Variants in FAM167A observed in about 807,000 individuals in gnomAD.
FAM167A encodes the protein protein FAM167A.
FAM167A carries 23 observed loss-of-function variants against 14.9 expected under a neutral mutation model. The ratio of observed to expected loss-of-function variants is 1.55; its 90% CI spans 1.11 to 2.19. The LOEUF is 2.19. Among genes scored for constraint, FAM167A ranks in the 30% most tolerant of loss-of-function variants. The pLI, the probability that FAM167A is intolerant of heterozygous loss-of-function variation, is 0.00. For missense variants in FAM167A, 401 were observed against 281.5 expected, an observed-to-expected ratio of 1.42 and a Z score of -3.04; for synonymous variants, 174 against 117.7, an observed-to-expected ratio of 1.48 and a Z score of -3.10.
intron 2 of FAM167A, among the ~76,000 whole-genome samples, chr8:11,430,662 A>G (rs190013703): frequency 1.3e-5 from 2 of 152,276 alleles, no homozygotes; most frequent in East Asian, 3.9e-4. Context: ...AACCCCCAAG[A>G]GCAGGATTAA....
intron 2 of FAM167A, among the ~76,000 whole-genome samples, chr8:11,424,971 G>C (rs1805033556): frequency 6.6e-6 from 1 of 152,140 alleles, no homozygotes; most frequent in South Asian, 2.1e-4. Context: ...GGAAAACATA[G>C]GGTAACAGCT....
At chr8:11,432,823 T>C (rs537758016) in intron 2 of FAM167A, among the ~76,000 whole-genome samples, 1 of 152,124 alleles carries the variant, frequency 6.6e-6, no homozygotes, top group Non-Finnish European at 1.5e-5. Context: ...CAAATGTCAA[T>C]CAATGATAGA....
intron 2 of FAM167A, chr8:11,443,614 G>A (rs933265752): frequency 2.2e-4 from 40 of 182,868 alleles, no homozygotes; most frequent in Admixed American, 6.4e-4. Context: ...AGAAGAGGCC[G>A]CTCACGTGCA....
At chr8:11,428,661 AGT>A (rs776556504) in intron 2 of FAM167A, among the ~76,000 whole-genome samples, 61 of 152,318 alleles carry the variant, frequency 4.0e-4, no homozygotes, top group Admixed American at 3.3e-3. Context: ...CACAATACAT[AGT>A]GTGTTGGGAT....
chr8:11,472,877 G>T (rs1808003486), intron 1 of FAM167A, among the ~76,000 whole-genome samples: 1 of 152,224 alleles, frequency 6.6e-6, no homozygotes, highest in Non-Finnish European at 1.5e-5. Context: ...ACTCTATCCT[G>T]CTGGGCAGAG....
upstream of FAM167A, among the ~76,000 whole-genome samples, chr8:11,469,925 A>T (rs1036136253): frequency 6.9e-5 from 10 of 145,588 alleles, no homozygotes; most frequent in African/African-American, 2.1e-4. Context: ...AATAAATAAA[A>T]GATTTAAACT....
intron 1 of FAM167A, among the ~76,000 whole-genome samples, chr8:11,466,120 C>G (rs901588280): frequency 1.3e-5 from 2 of 152,166 alleles, no homozygotes; most frequent in Non-Finnish European, 2.9e-5. Flanking sequence ...GCCGTTCCCT[C>G]AGGTCACACT....
chr8:11,438,746 T>C (rs952843028), intron 2 of FAM167A: 6 of 350,106 alleles, frequency 1.7e-5, no homozygotes, highest in African/African-American at 8.6e-5. Flanking sequence ...GGAATCTTCC[T>C]CCTGCAGGGC....
At chr8:11,471,410 G>A (rs1246122029), upstream of FAM167A, among the ~76,000 whole-genome samples, 2 of 152,126 alleles carry the variant, frequency 1.3e-5, no homozygotes, top group Non-Finnish European at 2.9e-5. Flanking sequence ...CCACACAGAG[G>A]TTGTTTCTGT....
intron 1 of FAM167A, among the ~76,000 whole-genome samples, chr8:11,448,777 C>T (rs1389531037): frequency 6.6e-6 from 1 of 152,252 alleles, no homozygotes; most frequent in African/African-American, 2.4e-5. Context: ...AGACTCCACC[C>T]TGTGCTCTCT....
intron 2 of FAM167A, among the ~76,000 whole-genome samples, chr8:11,434,365 G>C (rs539456329): frequency 6.6e-6 from 1 of 152,280 alleles, no homozygotes; most frequent in African/African-American, 2.4e-5. Context: ...GAGGGGGGCA[G>C]GTGCAATGGC....
intron 1 of FAM167A, among the ~76,000 whole-genome samples, chr8:11,456,939 TGAGCG>T: frequency 1.3e-5 from 1 of 76,070 alleles, no homozygotes; most frequent in Admixed American, 1.6e-4. Flanking sequence ...ATTAGGGGTA[TGAGCG>T]GGGCTGGGTT....
chr8:11,435,218 T>A, intron 2 of FAM167A: 1 of 433,040 alleles, frequency 2.3e-6, no homozygotes, highest in Non-Finnish European at 4.7e-6. Flanking sequence ...TGGTCCCTTC[T>A]CCACCTGTCA....
intron 1 of FAM167A, among the ~76,000 whole-genome samples, chr8:11,458,643 T>A (rs1316307988): frequency 6.6e-6 from 1 of 152,176 alleles, no homozygotes; most frequent in Non-Finnish European, 1.5e-5. Context: ...TTTCATGGGA[T>A]TTAAACACAG....
In FAM167A at chr8:11,440,771, A is replaced by C. The variant is rs189419199; in HGVS notation, c.381+3260T>G. Among the ~76,000 whole-genome samples the C allele has an allele frequency of 4.7e-3, 714 of 152,372 alleles. 4 individuals carry two copies. Among genetic ancestry groups the C allele is most frequent in the Non-Finnish European group, 4.9e-3 (335 of 68,038 alleles). On this transcript the variant is annotated intron_variant, in intron 2 of 2. Coordinates refer to ENST00000284486, the MANE Select transcript of FAM167A (RefSeq NM_053279.3). ...ACTTGAGCCTAACAAATCTGTAGGA[A>C]GGGCTTGCCCAGGTGTAGAGAAAAC... is the stretch of plus-strand genomic sequence containing the variant.
At chr8:11,435,620 C>G (rs1027715067) in intron 2 of FAM167A, among the ~76,000 whole-genome samples, 19 of 152,202 alleles carry the variant, frequency 1.2e-4, no homozygotes, top group Non-Finnish European at 2.4e-4. Flanking sequence ...CTGGGATCTC[C>G]CACTGCCCCC....
At chr8:11,470,069 G>A (rs2736321), upstream of FAM167A, among the ~76,000 whole-genome samples, 6,647 of 152,252 alleles carry the variant, frequency 0.044, 164 homozygotes, top group African/African-American at 0.065. Flanking sequence ...GAAGGACCTC[G>A]CCCTTGAGAA....
In FAM167A at chr8:11,440,374, T is replaced by TG. The variant is rs1239612296; in HGVS notation, c.381+3656dup. ...AAAATCTGATCTACTTGCTGATCCC[T>TG]GGGGGGCGTCAGGAGTGACAGTCAT... On this transcript the variant is annotated intron_variant, in intron 2 of 2. Coordinates refer to ENST00000284486, the MANE Select transcript of FAM167A (RefSeq NM_053279.3). Among the ~76,000 whole-genome samples, 15 of 152,262 alleles carry TG rather than the reference T, an allele frequency of 9.9e-5. 1 individual carries two copies. The highest frequency in any genetic ancestry group is 3.4e-4 in the African/African-American group (14 of 41,538).
At chr8:11,449,750 G>C (rs924587047) in intron 1 of FAM167A, among the ~76,000 whole-genome samples, 5 of 152,186 alleles carry the variant, frequency 3.3e-5, no homozygotes, top group African/African-American at 1.2e-4. Context: ...GCCACACACA[G>C]AGACTGCTGT....
Sources: gnomAD v4.1 joint callset for allele counts (sites outside exome capture counted in the v4.1 genomes callset) on GRCh38, gnomAD v4.1.1 for gene constraint, MANE v1.5 for transcripts, NCBI Gene and HGNC (gene_info 2026-07-23, HGNC 2026-07-21) for gene names.